ABI3BP: variants seen among roughly 807,000 people sequenced by gnomAD.
ABI3BP encodes target of Nesh-SH3.
In ABI3BP, 216 loss-of-function variants were observed where a neutral mutation model predicts 268.6. The ratio of observed to expected loss-of-function variants is 0.80; its 90% CI spans 0.72 to 0.90. The LOEUF is 0.90. Among genes scored for constraint, ABI3BP ranks in the 40% least tolerant of loss-of-function variants. The pLI, the probability that ABI3BP is intolerant of heterozygous loss-of-function variation, is 0.00. For synonymous variants in ABI3BP, 730 were observed against 730.0 expected, an observed-to-expected ratio of 1.00 and a Z score of 0.00; for missense variants, 2,090 against 2,182.4, an observed-to-expected ratio of 0.96 and a Z score of 0.84.
chr3:100,786,079 G>C (rs1190822218), intron 57 of ABI3BP, among the ~76,000 whole-genome samples: 1 of 152,140 alleles, frequency 6.6e-6, no homozygotes. Flanking sequence ...TTACTCTGAG[G>C]GAGATGATAG....
intron 1 of ABI3BP, among the ~76,000 whole-genome samples, chr3:100,984,508 A>G (rs2090951932): frequency 6.6e-6 from 1 of 152,216 alleles, no homozygotes; most frequent in African/African-American, 2.4e-5. Context: ...TTCTATGAAA[A>G]TGCCACATCT....
chr3:100,973,596 C>T (rs1202168703), intron 1 of ABI3BP, among the ~76,000 whole-genome samples: 1 of 152,140 alleles, frequency 6.6e-6, no homozygotes, highest in Non-Finnish European at 1.5e-5. Context: ...TTCACCAACA[C>T]TTTCATTATG....
At chr3:100,768,962 A>T (rs1034740520) in intron 62 of ABI3BP, among the ~76,000 whole-genome samples, 3 of 152,362 alleles carry the variant, frequency 2.0e-5, no homozygotes, top group Non-Finnish European at 4.4e-5. Context: ...ACTGGAGGTG[A>T]ATATGTGTCC....
chr3:100,956,194 C>CA lies in ABI3BP; in HGVS notation c.80-29714dup, dbSNP rs1183802585. On this transcript the variant is annotated intron_variant, in intron 1 of 67. Transcript: ENST00000471714. ...ACAGAGCAAGACTCAGACTCTGTCT[C>CA]AAAAAAAAAAAAGAAAAACAACACA... Among the ~76,000 whole-genome samples the CA allele has an allele frequency of 1.4e-3, 166 of 116,428 alleles. 1 individual carries two copies. Among genetic ancestry groups the CA allele is most frequent in the South Asian group, 7.1e-3 (24 of 3,388 alleles). 76.4% of individuals were successfully genotyped at this position (116,428 alleles called of 152,430 possible). A position where few individuals can be genotyped will look rare whatever the true frequency, so the allele number is the denominator to read the frequency against.
chr3:100,845,860 T>G (rs2098761033), intron 20 of ABI3BP, among the ~76,000 whole-genome samples: 1 of 147,158 alleles, frequency 6.8e-6, no homozygotes, highest in African/African-American at 2.5e-5. Context: ...TTTTTTTTTT[T>G]AAAGGAAAAC....
intron 10 of ABI3BP, among the ~76,000 whole-genome samples, chr3:100,866,227 G>C (rs1203538049): frequency 1.3e-5 from 2 of 152,126 alleles, no homozygotes; most frequent in East Asian, 3.9e-4. Flanking sequence ...ATCAGGTCCT[G>C]GATAAGGTGG....
chr3:100,979,497 G>A lies in ABI3BP; in HGVS notation c.79+13809C>T, dbSNP rs566223038. Among the ~76,000 whole-genome samples the A allele has an allele frequency of 5.9e-5, 9 of 152,218 alleles. No homozygotes were observed. In the South Asian group the frequency reaches 6.2e-4, roughly 11 times the overall value. On this transcript the variant is annotated intron_variant, in intron 1 of 67. Coordinates refer to ENST00000471714, the MANE Select transcript of ABI3BP (RefSeq NM_001375547.2). ...CTAAAAGGATCTTTACTCTGTTAAT[G>A]CTTATCCTTTAATGCCTTTTAAATT...
At chr3:100,767,760 T>C (rs556271098) in intron 62 of ABI3BP, among the ~76,000 whole-genome samples, 1 of 152,332 alleles carries the variant, frequency 6.6e-6, no homozygotes, top group South Asian at 2.1e-4. Flanking sequence ...AGTGCCTTGA[T>C]AGTATTTTTC....
chr3:100,764,335 G>A (rs2096151243), intron 63 of ABI3BP, among the ~76,000 whole-genome samples: 1 of 152,164 alleles, frequency 6.6e-6, no homozygotes, highest in African/African-American at 2.4e-5. Flanking sequence ...AGAATCCTTG[G>A]TCATTAACTG....
chr3:100,752,459 AT>A (rs1182125452), intron 66 of ABI3BP: 1 of 220,768 alleles, frequency 4.5e-6, no homozygotes, highest in Non-Finnish European at 9.0e-6. Context: ...TTATTGTTAG[AT>A]TTAGTCACTT....
chr3:100,894,965 A>AAAAAAAAAAAAAAAAAC (rs760156604), intron 4 of ABI3BP, among the ~76,000 whole-genome samples: 35 of 120,848 alleles, frequency 2.9e-4, no homozygotes, highest in Non-Finnish European at 4.9e-4. Context: ...AAAAAAAAAA[A>AAAAAAAAAAAAAAAAAC]AACAGAAAAA....
intron 58 of ABI3BP, among the ~76,000 whole-genome samples, chr3:100,779,832 C>T (rs1183717971): frequency 6.6e-6 from 1 of 151,930 alleles, no homozygotes; most frequent in Non-Finnish European, 1.5e-5. Context: ...AAACTAGAAA[C>T]CACAGTGATT....
At chr3:100,829,517 C>G (rs1015655160) in intron 33 of ABI3BP, 64 bp downstream of exon 33, 2 of 1,422,202 alleles carry the variant, frequency 1.4e-6, no homozygotes, top group African/African-American at 2.8e-5. Context: ...CCAGCTACTT[C>G]ATTCTCTTTG....
At chr3:100,752,725 A>C (rs973622589) in intron 66 of ABI3BP, 62 bp downstream of exon 66, 51 of 1,564,274 alleles carry the variant, frequency 3.3e-5, no homozygotes, top group Non-Finnish European at 4.2e-5. Context: ...GCCAAGTTGT[A>C]CAATGCTGCA....
chr3:100,900,330 A>T (rs2713793), intron 3 of ABI3BP, among the ~76,000 whole-genome samples: 1 of 152,144 alleles, frequency 6.6e-6, no homozygotes, highest in African/African-American at 2.4e-5. Context: ...TCCCTTTTCA[A>T]TTCCTGAGTT....
intron 63 of ABI3BP, among the ~76,000 whole-genome samples, chr3:100,764,808 A>G (rs2096187334): frequency 6.6e-6 from 1 of 152,216 alleles, no homozygotes; most frequent in African/African-American, 2.4e-5. Flanking sequence ...CAAAGAGCAA[A>G]TGGGCTTTTA....
intron 1 of ABI3BP, among the ~76,000 whole-genome samples, chr3:100,976,932 C>G (rs1012087520): frequency 6.6e-6 from 1 of 152,248 alleles, no homozygotes; most frequent in African/African-American, 2.4e-5. Flanking sequence ...ACAAGGCCAA[C>G]TATGAAGGCC....
Position 100,863,060 on chromosome 3 carries a change from A to G in ABI3BP, c.1139-151T>C, listed in dbSNP as rs139153277. The stretch of plus-strand genomic sequence containing the variant: ...TAGTATTTCTTACATCTATGTTTCA[A>G]TGTTGAATATAAGAAAGTTTCTTTT... On this transcript the variant is annotated intron_variant, in intron 12 of 67. Transcript: ENST00000471714. The G allele has an allele frequency of 9.7e-3, 5,767 of 591,640 alleles. 71 individuals carry two copies. The highest frequency in any genetic ancestry group is 0.043 in the Admixed American group (1,357 of 31,800). The allele number at this position is 591,640 out of a possible 1,614,324, so 36.6% of individuals were successfully genotyped here.
chr3:100,755,755 G>A (rs1309896687), intron 63 of ABI3BP, among the ~76,000 whole-genome samples: 2 of 152,180 alleles, frequency 1.3e-5, no homozygotes, highest in Non-Finnish European at 2.9e-5. Context: ...AGCAGCAAGT[G>A]GACTTGGCAG....
Sources: allele counts gnomAD v4.1 joint callset (sites outside exome capture counted in the v4.1 genomes callset), GRCh38; gene constraint gnomAD v4.1.1; transcripts MANE v1.5; gene names NCBI Gene and HGNC (gene_info 2026-07-23, HGNC 2026-07-21).